ZNF407: variants seen among roughly 807,000 people sequenced by gnomAD.
ZNF407 encodes the protein zinc finger protein 407.
In ZNF407, 17 loss-of-function variants were observed where a neutral mutation model predicts 131.2. The ratio of observed to expected loss-of-function variants is 0.13; its 90% CI spans 0.09 to 0.19. The LOEUF (loss-of-function observed/expected upper bound fraction) is 0.19. Ranked by LOEUF, ZNF407 falls within the 10% of genes least tolerant of loss-of-function variation. The probability of loss-of-function intolerance (pLI) is 1.00; values close to 1 mark genes in which losing one functional copy is unlikely to be tolerated. For synonymous variants in ZNF407, 1,156 were observed against 1,062.0 expected (o/e 1.09, Z -1.72); for missense variants, 2,681 against 2,830.6 (o/e 0.95, Z 1.20).
chr18:74,627,466 A>T (rs1983832899), intron 1 of ZNF407, among the ~76,000 whole-genome samples: 1 of 152,136 alleles, frequency 6.6e-6, no homozygotes. Flanking sequence ...CCAATGCTTT[A>T]TAGAAAAGAG....
intron 8 of ZNF407, among the ~76,000 whole-genome samples, chr18:74,973,873 A>G (rs1972499435): frequency 6.6e-6 from 1 of 152,140 alleles, no homozygotes; most frequent in African/African-American, 2.4e-5. Context: ...CCTGTCTTTA[A>G]AATGACACTA....
intron 3 of ZNF407, among the ~76,000 whole-genome samples, chr18:74,685,576 C>A (rs1967078215): frequency 6.6e-6 from 1 of 152,206 alleles, no homozygotes; most frequent in Admixed American, 6.5e-5. Flanking sequence ...CCAGGCCCTC[C>A]ATGACCTGAT....
At chr18:74,763,447 A>G (rs1969147252) in intron 3 of ZNF407, among the ~76,000 whole-genome samples, 1 of 151,216 alleles carries the variant, frequency 6.6e-6, no homozygotes, top group Non-Finnish European at 1.5e-5. Flanking sequence ...TCCAATTTAT[A>G]CATTTTTTCT....
intron 3 of ZNF407, among the ~76,000 whole-genome samples, chr18:74,645,776 A>G (rs1339244767): frequency 6.6e-6 from 1 of 152,008 alleles, no homozygotes. Flanking sequence ...TCATTGCTTC[A>G]TAACGTGTCA....
At chr18:74,894,491 C>G (rs914936369) in intron 7 of ZNF407, among the ~76,000 whole-genome samples, 1 of 151,944 alleles carries the variant, frequency 6.6e-6, no homozygotes, top group African/African-American at 2.4e-5. Context: ...CTTAAAATTC[C>G]TACTTTCCAA....
intron 4 of ZNF407, among the ~76,000 whole-genome samples, chr18:74,862,484 A>G (rs912506012): frequency 6.6e-6 from 1 of 152,268 alleles, no homozygotes; most frequent in African/African-American, 2.4e-5. Flanking sequence ...GAATAAATGT[A>G]TAATTGCAGT....
intron 3 of ZNF407, among the ~76,000 whole-genome samples, chr18:74,766,596 C>G (rs531380707): frequency 6.5e-4 from 99 of 152,238 alleles, no homozygotes; most frequent in African/African-American, 2.3e-3. Flanking sequence ...GCCAAGTTGT[C>G]ATGTTACTGA....
chr18:74,674,252 G>A (rs541805815), intron 3 of ZNF407, among the ~76,000 whole-genome samples: 1 of 152,270 alleles, frequency 6.6e-6, no homozygotes, highest in South Asian at 2.1e-4. Context: ...TGGAGCTGGA[G>A]CATATGGCTG....
chr18:75,057,875 C>T (rs1260880808), intron 8 of ZNF407, among the ~76,000 whole-genome samples: 6 of 152,100 alleles, frequency 3.9e-5, no homozygotes, highest in African/African-American at 9.7e-5. Flanking sequence ...TCATTCACAA[C>T]GTATGCCTTC....
At chr18:74,988,460 AAG>A (rs1227479307) in intron 8 of ZNF407, among the ~76,000 whole-genome samples, 3 of 151,200 alleles carry the variant, frequency 2.0e-5, no homozygotes, top group South Asian at 4.2e-4. Flanking sequence ...TAAGAAAATA[AAG>A]AGAAAAGATA....
intron 3 of ZNF407, among the ~76,000 whole-genome samples, chr18:74,722,860 G>A (rs1357329706): frequency 6.6e-6 from 1 of 152,080 alleles, no homozygotes; most frequent in Non-Finnish European, 1.5e-5. Flanking sequence ...GTTTCTCAGT[G>A]AGCCATTACC....
chr18:74,959,518 C>T (rs1457378464), intron 8 of ZNF407, among the ~76,000 whole-genome samples: 1 of 152,150 alleles, frequency 6.6e-6, no homozygotes, highest in African/African-American at 2.4e-5. Context: ...TTCTTTGTAG[C>T]ATCCTTTTGT....
intron 7 of ZNF407, among the ~76,000 whole-genome samples, chr18:74,901,498 A>G (rs568791925): frequency 6.6e-6 from 1 of 152,302 alleles, no homozygotes; most frequent in South Asian, 2.1e-4. Flanking sequence ...GTTTTGTTAC[A>G]TTATGAGGAA....
intron 8 of ZNF407, among the ~76,000 whole-genome samples, chr18:74,936,745 A>G (rs1972044556): frequency 6.6e-6 from 1 of 152,238 alleles, no homozygotes; most frequent in Admixed American, 6.5e-5. Context: ...CTGATAAATC[A>G]GAACAGGAAG....
intron 4 of ZNF407, among the ~76,000 whole-genome samples, chr18:74,794,039 T>G (rs1969874176): frequency 6.6e-6 from 1 of 152,208 alleles, no homozygotes; most frequent in African/African-American, 2.4e-5. Context: ...TGATAGAAAG[T>G]TGCCAACTGC....
chr18:74,630,532 AG>A (rs1200774509), intron 1 of ZNF407, among the ~76,000 whole-genome samples: 1 of 152,156 alleles, frequency 6.6e-6, no homozygotes, highest in East Asian at 1.9e-4. Context: ...TTAGAGGTTA[AG>A]GAGGGGAAGG....
chr18:74,779,200 C>G (rs1465954760), intron 3 of ZNF407, among the ~76,000 whole-genome samples: 1 of 145,692 alleles, frequency 6.9e-6, no homozygotes, highest in Non-Finnish European at 1.5e-5. Context: ...ACTGCAAGCT[C>G]CGCCTCCCGG....
At chr18:75,059,999 G>GCCCAGGCACGTC (rs1465900124) in intron 8 of ZNF407, among the ~76,000 whole-genome samples, 1 of 152,166 alleles carries the variant, frequency 6.6e-6, no homozygotes. Context: ...CCAGACACGT[G>GCCCAGGCACGTC]CCCAGGCAGA....
intron 8 of ZNF407, among the ~76,000 whole-genome samples, chr18:75,052,395 A>G (rs955317785): frequency 6.6e-6 from 1 of 152,152 alleles, no homozygotes; most frequent in East Asian, 1.9e-4. Flanking sequence ...AAAAAAAACA[A>G]CAACAAAGAG....
Sources: allele counts gnomAD v4.1 joint callset (sites outside exome capture counted in the v4.1 genomes callset), GRCh38; gene constraint gnomAD v4.1.1; transcripts MANE v1.5; gene names NCBI Gene and HGNC (gene_info 2026-07-23, HGNC 2026-07-21).